The following PTPRG variants were observed in gnomAD, a reference collection of about 807,000 sequenced individuals.
PTPRG encodes protein tyrosine phosphatase receptor type G, also known as receptor-type tyrosine-protein phosphatase gamma.
A neutral mutation model predicts 165.3 loss-of-function variants in PTPRG; 102 were observed. The observed-to-expected ratio is 0.62, with a 90% CI of 0.53 to 0.73. The LOEUF (loss-of-function observed/expected upper bound fraction) is 0.73, where lower values mean the gene tolerates loss of function less well. PTPRG is among the 30% of genes least tolerant of loss of function. PTPRG has a pLI of 0.00. For missense variants in PTPRG, 1,866 were observed against 1,861.4 expected (o/e 1.00, Z -0.05); for synonymous variants, 675 against 669.5 (o/e 1.01, Z -0.13).
At chr3:62,223,532 A>C (rs1322742632) in intron 13 of PTPRG, among the ~76,000 whole-genome samples, 1 of 152,236 alleles carries the variant, frequency 6.6e-6, no homozygotes, top group Non-Finnish European at 1.5e-5. Context: ...AGGAGGTGCC[A>C]ATGAAAAACA....
intron 2 of PTPRG, among the ~76,000 whole-genome samples, chr3:61,808,433 C>A (rs2035478676): frequency 1.3e-5 from 2 of 151,688 alleles, no homozygotes; most frequent in Admixed American, 6.6e-5. Flanking sequence ...TTTTTTTCAT[C>A]CACCCCAGAT....
chr3:61,979,851 AGT>A (rs2040597881), intron 2 of PTPRG, among the ~76,000 whole-genome samples: 1 of 152,100 alleles, frequency 6.6e-6, no homozygotes, highest in South Asian at 2.1e-4. Flanking sequence ...CACCCTGTGA[AGT>A]GTTTCCTAGT....
rs766977146 is a variant in PTPRG, at chr3:62,203,833, G to T, written c.2038G>T (p.Ala680Ser). The T allele has an allele frequency of 2.5e-6, 4 of 1,613,958 alleles. No homozygotes were observed. Among genetic ancestry groups the T allele is most frequent in the East Asian group, 4.5e-5 (2 of 44,876 alleles). ...CACCTCCACCCAAGTGCCCCCCACC[G>T]CCACAGAGGAGCAGTATGCAGGGAG... ...MVTSTQVPPT[A>S]TEEQYAGSDP... Residue 680 changes from alanine (A) to serine (S), a missense_variant, in exon 12 of 30, where the codon GCC (alanine) becomes TCC (serine). This residue lies in a region of PTPRG where 1,452 missense variants were observed against 1,463.0 expected (regional missense o/e 0.99). Transcript: ENST00000474889. This position sits in a 1 kb window ranked among gnomAD's most constrained non-coding sequence, Gnocchi z 6.4.
chr3:61,845,967 A>G (rs2107347793), intron 2 of PTPRG, among the ~76,000 whole-genome samples: 1 of 152,292 alleles, frequency 6.6e-6, no homozygotes, highest in Non-Finnish European at 1.5e-5. Context: ...CAGAAGACTG[A>G]GGGAGGGTCC....
At chr3:62,150,737 G>A (rs1326195563) in intron 6 of PTPRG, among the ~76,000 whole-genome samples, 1 of 152,110 alleles carries the variant, frequency 6.6e-6, no homozygotes, top group African/African-American at 2.4e-5. Flanking sequence ...CAGAAGCTTG[G>A]GCTTTCATAC....
rs545483118 is a variant in PTPRG at position 62,144,658 on chromosome 3, A to T, written c.682+11990A>T. ...CCAGGAAGGACTGATGCTTATCAGA[A>T]CACGTTTGATCTCAAAATCTTCTAG... On this transcript the variant is annotated intron_variant, in intron 6 of 29. Coordinates refer to ENST00000474889, the MANE Select transcript of PTPRG (RefSeq NM_002841.4). Among the ~76,000 whole-genome samples the T allele has an allele frequency of 7.4e-4, 112 of 152,280 alleles. 1 individual carries two copies. Among genetic ancestry groups the T allele is most frequent in the Non-Finnish European group, 1.4e-3 (93 of 68,026 alleles).
intron 1 of PTPRG, among the ~76,000 whole-genome samples, chr3:61,685,835 G>A (rs911637324): frequency 6.6e-6 from 1 of 152,184 alleles, no homozygotes; most frequent in Admixed American, 6.5e-5. Flanking sequence ...TGCCCCTAGA[G>A]TGTGGCCTTT....
chr3:61,577,657 A>G (rs995324991), intron 1 of PTPRG, among the ~76,000 whole-genome samples: 1 of 152,198 alleles, frequency 6.6e-6, no homozygotes, highest in African/African-American at 2.4e-5. Context: ...TAAATTACAC[A>G]TGTGGCTCGC....
At chr3:62,121,643 G>A (rs1331983710) in intron 5 of PTPRG, among the ~76,000 whole-genome samples, 1 of 152,150 alleles carries the variant, frequency 6.6e-6, no homozygotes, top group Admixed American at 6.5e-5. Flanking sequence ...TACTGTCAAT[G>A]GCAGTTTTCA....
In PTPRG at chr3:61,989,648, G is replaced by A. The variant is rs762482513; in HGVS notation, c.214G>A (p.Val72Ile). 67 of 1,613,920 alleles carry A rather than the reference G, an allele frequency of 4.2e-5. No homozygotes were observed. Among genetic ancestry groups the A allele is most frequent in the Non-Finnish European group, 5.3e-5 (63 of 1,179,962 alleles). ...YSGAYGPEHW[V>I]TSSVSCGGRH... ...AGGTGCCTATGGTCCTGAGCACTGG[G>A]TCACGTCTAGTGTCAGCTGTGGGGG... Residue 72 changes from valine (V) to isoleucine (I), a missense_variant, in exon 3 of 30, where the codon GTC becomes ATC. Around this residue, in one of 3 missense-constraint regions of PTPRG, gnomAD observed 408 missense variants for 376.2 expected, o/e 1.08. Transcript: ENST00000474889.
At chr3:61,826,914 A>G (rs984842093) in intron 2 of PTPRG, among the ~76,000 whole-genome samples, 1 of 150,412 alleles carries the variant, frequency 6.6e-6, no homozygotes, top group African/African-American at 2.5e-5. Flanking sequence ...AGTAATTACT[A>G]TGCTTCTAGA....
chr3:62,169,832 C>G (rs1333450971), intron 8 of PTPRG, among the ~76,000 whole-genome samples: 1 of 152,016 alleles, frequency 6.6e-6, no homozygotes, highest in African/African-American at 2.4e-5. Context: ...TTCAAGAGTG[C>G]CCCCACCCCC....
chr3:61,684,575 T>G (rs1020020185), intron 1 of PTPRG, among the ~76,000 whole-genome samples: 2 of 152,094 alleles, frequency 1.3e-5, no homozygotes, highest in African/African-American at 4.8e-5. Flanking sequence ...CCAGTGTGGT[T>G]GTTACTGTGG....
Position 62,170,467 on chromosome 3 carries a change from G to C in PTPRG, c.1033+2304G>C, listed in dbSNP as rs187217453. ...GCTCTTTCCTGAAAAAATGGGCCAA[G>C]CATATGATATATCAGCTGTACAGAG... On this transcript the variant is annotated intron_variant, in intron 8 of 29. Transcript: ENST00000474889. Among the ~76,000 whole-genome samples, 37 of 152,168 alleles carry C rather than the reference G, an allele frequency of 2.4e-4. No homozygotes were observed. In the East Asian group the frequency reaches 5.0e-3, roughly 21 times the overall value.
chr3:62,129,567 G>T (rs1703438982), intron 5 of PTPRG, among the ~76,000 whole-genome samples: 1 of 152,130 alleles, frequency 6.6e-6, no homozygotes, highest in African/African-American at 2.4e-5. Context: ...AGAGCAAGAG[G>T]GGGTTGCAAG....
Position 62,273,068 on chromosome 3 carries a change from T to G in PTPRG, c.3305T>G (p.Leu1102Arg). The change falls in exon 22 of 30, where the codon CTC becomes CGC. Residue 1102 changes from leucine to arginine, a missense_variant. This residue lies in a region of PTPRG where 1,452 missense variants were observed against 1,463.0 expected (regional missense o/e 0.99). Transcript: ENST00000474889. The surrounding 1 kb of genome is among the most constrained non-coding windows in gnomAD (Gnocchi z 4.1). ...LKHIRTQRNY[L>R]VQTEEQYIFI... is the part of the protein sequence containing the mutation. ...CATATCAGGACACAGCGTAACTACC[T>G]CGTCCAGACTGAGGTAAGGAGTAGC... 6.2e-7 allele frequency: 1 copy of G among 1,611,774 alleles called. No homozygotes were observed. Among genetic ancestry groups the G allele is most frequent in the Non-Finnish European group, 8.5e-7 (1 of 1,179,224 alleles).
chr3:61,699,003 C>T (rs190297808), intron 1 of PTPRG, among the ~76,000 whole-genome samples: 18 of 151,998 alleles, frequency 1.2e-4, no homozygotes, highest in Middle Eastern at 6.8e-3. Flanking sequence ...GGGAACATCA[C>T]ACACCAGGGA....
At chr3:62,124,492 C>T in intron 5 of PTPRG, 1 of 1,603,034 alleles carries the variant, frequency 6.2e-7, no homozygotes, top group Non-Finnish European at 8.5e-7. Context: ...AGCAGTCATT[C>T]ATGTTTTACA....
At chr3:61,851,151 C>T (rs2036953431) in intron 2 of PTPRG, among the ~76,000 whole-genome samples, 1 of 152,156 alleles carries the variant, frequency 6.6e-6, no homozygotes, top group South Asian at 2.1e-4. Flanking sequence ...GTGTTGCAAA[C>T]AACTGAAGGC....
Sources: gnomAD v4.1 joint callset for allele counts (sites outside exome capture counted in the v4.1 genomes callset) on GRCh38, gnomAD v4.1.1 for gene constraint, gnomAD v4.1.1 regional missense constraint, Gnocchi (gnomAD v3.1) non-coding constraint, MANE v1.5 for transcripts, NCBI Gene and HGNC (gene_info 2026-07-23, HGNC 2026-07-21) for gene names.